The following MYO9A variants were observed in gnomAD, a reference collection of about 807,000 sequenced individuals.
MYO9A encodes the protein unconventional myosin-IXa.
In MYO9A, 103 loss-of-function variants were observed where a neutral mutation model predicts 293.3. That is an observed-to-expected ratio of 0.35 (90% CI 0.30 to 0.41). The LOEUF (loss-of-function observed/expected upper bound fraction) is 0.41. Ranked by LOEUF, MYO9A falls within the 10% of genes least tolerant of loss-of-function variation. The pLI is 1.00. For missense variants in MYO9A, 2,685 were observed against 3,033.0 expected, an observed-to-expected ratio of 0.89 and a Z score of 2.69; for synonymous variants, 1,001 against 1,035.7, an observed-to-expected ratio of 0.97 and a Z score of 0.64.
intron 15 of MYO9A, among the ~76,000 whole-genome samples, chr15:71,950,015 T>C (rs1298449928): frequency 1.3e-5 from 2 of 152,184 alleles, no homozygotes; most frequent in Non-Finnish European, 1.5e-5. Context: ...AAATATTTGG[T>C]TATTTTAAAA....
At chr15:71,988,289 C>T (rs967133678) in intron 11 of MYO9A, among the ~76,000 whole-genome samples, 7 of 152,128 alleles carry the variant, frequency 4.6e-5, no homozygotes, top group African/African-American at 1.2e-4. Context: ...ATTCAATAGA[C>T]ATGGATGGCA....
In MYO9A at chr15:72,067,050, T is replaced by C. The variant is rs1186433068; in HGVS notation, c.-71-20416A>G. 2.0e-5 allele frequency among the ~76,000 whole-genome samples: 3 copies of C among 148,272 alleles called. No homozygotes were observed. The East Asian group carries it at 5.8e-4, about 29-fold the overall frequency. On this transcript the variant is annotated intron_variant, in intron 1 of 41. Transcript: ENST00000356056. Reference sequence around the variant, plus strand: ...TATATAATCATATATTAATACATTATATAATATATAGGTAATCATTAGCAA... The same window carrying C: ...TATATAATCATATATTAATACATTACATAATATATAGGTAATCATTAGCAA...
intron 18 of MYO9A, among the ~76,000 whole-genome samples, chr15:71,926,256 T>G (rs1409828763): frequency 4.6e-5 from 7 of 152,182 alleles, no homozygotes; most frequent in African/African-American, 1.7e-4. Context: ...CTGGGGGGCA[T>G]GCGCAAGGCA....
At chr15:72,064,666 T>C (rs2078968895) in intron 1 of MYO9A, among the ~76,000 whole-genome samples, 1 of 152,180 alleles carries the variant, frequency 6.6e-6, no homozygotes, top group South Asian at 2.1e-4. Flanking sequence ...TTTAAAAAGA[T>C]ACCGCCACAC....
At chr15:71,832,199 T>C (rs1276544832) in intron 39 of MYO9A, among the ~76,000 whole-genome samples, 2 of 152,054 alleles carry the variant, frequency 1.3e-5, no homozygotes, top group Non-Finnish European at 2.9e-5. Flanking sequence ...TTGCTTGAAC[T>C]CGAGAGGCAG....
intron 23 of MYO9A, 106 bp downstream of exon 23, chr15:71,901,085 A>T (rs2057469231): frequency 8.1e-7 from 1 of 1,230,670 alleles, no homozygotes; most frequent in Admixed American, 2.8e-5. Context: ...CTCATTTCTG[A>T]AGTTCACATT....
At chr15:71,843,232 C>T (rs1267824360) in intron 39 of MYO9A, among the ~76,000 whole-genome samples, 2 of 151,868 alleles carry the variant, frequency 1.3e-5, no homozygotes, top group Admixed American at 1.3e-4. Flanking sequence ...AGTTCGAGAC[C>T]AGCCTGGCCA....
chr15:71,907,028 G>C (rs2057679555), intron 19 of MYO9A, among the ~76,000 whole-genome samples: 1 of 148,480 alleles, frequency 6.7e-6, no homozygotes, highest in Admixed American at 6.7e-5. Flanking sequence ...GTGACATGCT[G>C]GTGCGCTGCC....
At chr15:72,089,372 G>A (rs1239697604) in intron 1 of MYO9A, among the ~76,000 whole-genome samples, 2 of 151,882 alleles carry the variant, frequency 1.3e-5, no homozygotes, top group Non-Finnish European at 2.9e-5. Context: ...ATGTTGCCCA[G>A]GCTGGTCTTG....
At chr15:71,846,936 T>C (rs1258357577) in intron 39 of MYO9A, among the ~76,000 whole-genome samples, 1 of 152,214 alleles carries the variant, frequency 6.6e-6, no homozygotes. Flanking sequence ...AAGAACCATA[T>C]TTCTACATCT....
intron 41 of MYO9A, among the ~76,000 whole-genome samples, chr15:71,827,482 G>GGTAA (rs1434575519): frequency 6.6e-6 from 1 of 151,552 alleles, no homozygotes; most frequent in Admixed American, 6.6e-5. Context: ...TTTTCTCTGT[G>GGTAA]GTAAGTACAG....
At chr15:71,919,471 C>A (rs2058097886) in intron 18 of MYO9A, among the ~76,000 whole-genome samples, 1 of 151,492 alleles carries the variant, frequency 6.6e-6, no homozygotes. Flanking sequence ...AAGAGATAAC[C>A]TCCCAAAGGA....
intron 1 of MYO9A, among the ~76,000 whole-genome samples, chr15:72,098,882 C>T (rs950346891): frequency 3.3e-5 from 5 of 150,094 alleles, no homozygotes; most frequent in South Asian, 2.1e-4. Context: ...ATGATAAAAA[C>T]GAAGAAGTGA....
intron 18 of MYO9A, among the ~76,000 whole-genome samples, chr15:71,918,939 A>G (rs973823921): frequency 6.6e-6 from 1 of 152,192 alleles, no homozygotes; most frequent in East Asian, 1.9e-4. Flanking sequence ...GGAATACTCT[A>G]TAGCCGGGCC....
chr15:71,925,250 C>T (rs1321205046), intron 18 of MYO9A, among the ~76,000 whole-genome samples: 4 of 147,886 alleles, frequency 2.7e-5, no homozygotes, highest in Non-Finnish European at 5.9e-5. Context: ...TATACATATA[C>T]GTATACACAT....
chr15:71,893,346 T>C, intron 26 of MYO9A: 2 of 440,486 alleles, frequency 4.5e-6, no homozygotes, highest in Non-Finnish European at 7.9e-6. Flanking sequence ...CCAAAAGGAA[T>C]CTGTATACAT....
chr15:71,859,539 C>T (rs2056025264), intron 34 of MYO9A, among the ~76,000 whole-genome samples, 196 bp downstream of exon 34: 1 of 152,096 alleles, frequency 6.6e-6, no homozygotes, highest in Non-Finnish European at 1.5e-5. Context: ...CTATGAAAAT[C>T]AATTCATTTT....
chr15:72,019,218 A>G (rs2077428403), intron 5 of MYO9A, 123 bp from the exon 6 acceptor site: 2 of 760,996 alleles, frequency 2.6e-6, no homozygotes, highest in African/African-American at 3.5e-5. Context: ...GCATAGCAGC[A>G]TAAAACAAGA....
chr15:71,941,555 A>G (rs942820902), intron 15 of MYO9A, among the ~76,000 whole-genome samples: 30 of 152,368 alleles, frequency 2.0e-4, no homozygotes, highest in Non-Finnish European at 2.6e-4. Context: ...TTCTAACAAC[A>G]TTTGTAACTG....
Sources: allele counts gnomAD v4.1 joint callset (sites outside exome capture counted in the v4.1 genomes callset), GRCh38; gene constraint gnomAD v4.1.1; transcripts MANE v1.5; gene names NCBI Gene and HGNC (gene_info 2026-07-23, HGNC 2026-07-21).